Variants in IL18 observed in about 807,000 individuals in gnomAD.
IL18 encodes interleukin-18.
In IL18, 8 loss-of-function variants were observed where a neutral mutation model predicts 14.2. The ratio of observed to expected loss-of-function variants is 0.56; its 90% CI spans 0.33 to 1.01. The LOEUF is 1.01. Ranked by LOEUF, IL18 falls within the 50% of genes least tolerant of loss-of-function variation. The pLI, the probability that IL18 is intolerant of heterozygous loss-of-function variation, is 0.03. For synonymous variants in IL18, 67 were observed against 71.0 expected (o/e 0.94, Z 0.28); for missense variants, 166 against 231.1 (o/e 0.72, Z 1.83).
chr11:112,148,147 A>G (rs1866373756), intron 5 of IL18, among the ~76,000 whole-genome samples: 1 of 152,236 alleles, frequency 6.6e-6, no homozygotes, highest in Non-Finnish European at 1.5e-5. Flanking sequence ...AGGATCAGCA[A>G]CAAAACAACT....
chr11:112,145,520 A>C (rs546687576), intron 5 of IL18, among the ~76,000 whole-genome samples: 62 of 152,284 alleles, frequency 4.1e-4, no homozygotes, highest in Non-Finnish European at 7.1e-4. Flanking sequence ...CGGGCGGATC[A>C]CAAGTTCAGG....
intron 5 of IL18, among the ~76,000 whole-genome samples, chr11:112,147,972 A>G (rs2135310555): frequency 6.6e-6 from 1 of 152,332 alleles, no homozygotes; most frequent in Non-Finnish European, 1.5e-5. Flanking sequence ...ATAATAATGG[A>G]GAATAATAGA....
intron 1 of IL18, among the ~76,000 whole-genome samples, chr11:112,155,855 A>G (rs1866522301): frequency 6.6e-6 from 1 of 152,114 alleles, no homozygotes; most frequent in Non-Finnish European, 1.5e-5. Flanking sequence ...ATACACATGT[A>G]TTTTCACCAA....
Position 112,161,548 on chromosome 11 carries a change from CAGCACTTTGGG to C in IL18, c.-9+2347_-9+2357del, listed in dbSNP as rs1866632671. Among the ~76,000 whole-genome samples, 5 of 152,296 alleles carry C rather than the reference CAGCACTTTGGG, an allele frequency of 3.3e-5. No individual in the cohort carries two copies. The South Asian group carries it at 1.0e-3, about 32-fold the overall frequency. ...GCACGGTGGCTTATGCCTGTAATAC[CAGCACTTTGGG>C]AGGCCGAGGCGGCTGGATCACTTGA... is the stretch of plus-strand genomic sequence containing the variant. On this transcript the variant is annotated intron_variant, in intron 1 of 5. Transcript: ENST00000280357.
chr11:112,150,050 G>A (rs757465998), intron 4 of IL18, 22 bp downstream of exon 4: 1 of 1,585,478 alleles, frequency 6.3e-7, no homozygotes, highest in South Asian at 1.2e-5. Context: ...TCATTTCTAT[G>A]TTTGCGAATT....
chr11:112,162,443 A>G (rs1282917572), intron 1 of IL18, among the ~76,000 whole-genome samples: 3 of 151,534 alleles, frequency 2.0e-5, no homozygotes, highest in African/African-American at 7.3e-5. Flanking sequence ...TCCTGGGCTC[A>G]AGTGATCCTC....
intron 1 of IL18, among the ~76,000 whole-genome samples, chr11:112,156,577 G>C (rs1866536181): frequency 6.6e-6 from 1 of 151,818 alleles, no homozygotes; most frequent in Admixed American, 6.6e-5. Flanking sequence ...ACTCCCATCT[G>C]GGACCACAGA....
At chr11:112,154,670 C>T (rs1352632653) in intron 2 of IL18, among the ~76,000 whole-genome samples, 2 of 152,152 alleles carry the variant, frequency 1.3e-5, no homozygotes, top group Admixed American at 1.3e-4. Flanking sequence ...GGGATTTTTC[C>T]CATGGAAATC....
At chr11:112,146,224 C>A (rs753192587) in intron 5 of IL18, among the ~76,000 whole-genome samples, 4 of 151,974 alleles carry the variant, frequency 2.6e-5, no homozygotes, top group Non-Finnish European at 4.4e-5. Context: ...CAAAGCAAAT[C>A]CCTCTTAGTG....
At chr11:112,163,278 A>G (rs911284195) in intron 1 of IL18, among the ~76,000 whole-genome samples, 5 of 152,192 alleles carry the variant, frequency 3.3e-5, no homozygotes, top group African/African-American at 1.2e-4. Flanking sequence ...ACCATGGGCA[A>G]ATTTTTTGTT....
rs545832840 is a variant in IL18, at chr11:112,152,896, C to T, written c.91+696G>A. ...GATGTCTTTGTTACAACAAACTAATCTTTACCCTAGCTAATACATATTGTG... is the reference window on the plus strand; with the variant it reads ...GATGTCTTTGTTACAACAAACTAATTTTTACCCTAGCTAATACATATTGTG... On this transcript the variant is annotated intron_variant, in intron 3 of 5. Coordinates refer to ENST00000280357, the MANE Select transcript of IL18 (RefSeq NM_001562.4). 2.6e-5 allele frequency: 4 copies of T among 152,346 alleles called. No homozygotes were observed. In the South Asian group the frequency reaches 8.3e-4, roughly 32 times the overall value. 9.4% of individuals were successfully genotyped at this position (152,346 alleles called of 1,614,324 possible).
chr11:112,153,582 T>G lies in IL18; in HGVS notation c.91+10A>C, dbSNP rs1866483948. 1 of 1,548,726 alleles carries G rather than the reference T, an allele frequency of 6.5e-7. No individual in the cohort carries two copies. The highest frequency in any genetic ancestry group is 8.8e-7 in the Non-Finnish European group (1 of 1,133,698). On this transcript the variant is annotated intron_variant, in intron 3 of 5. Coordinates refer to ENST00000280357, the MANE Select transcript of IL18 (RefSeq NM_001562.4). ...GTTTGCAAAGAAAAATAAATTCATT[T>G]CTACTTTACCATCATCTTCAGCTAA...
chr11:112,162,672 T>A (rs766349606), intron 1 of IL18, among the ~76,000 whole-genome samples: 3 of 152,196 alleles, frequency 2.0e-5, no homozygotes. Flanking sequence ...AGTGGAACAG[T>A]CCTGCTATTT....
At chr11:112,155,556 G>T (rs757493978) in intron 1 of IL18, among the ~76,000 whole-genome samples, 5 of 152,126 alleles carry the variant, frequency 3.3e-5, no homozygotes, top group Admixed American at 6.5e-5. Context: ...GAGGGTACAG[G>T]CAGGGTGGGA....
At position 112,143,372 on chromosome 11, in the gene IL18, C is replaced by T. The variant is rs1333807458; in HGVS notation, c.*224G>A. On this transcript the variant is annotated 3_prime_UTR_variant, in exon 6 of 6. Coordinates refer to ENST00000280357, the MANE Select transcript of IL18 (RefSeq NM_001562.4). ...CTCGGCTCACCACAACCTCTACCTC[C>T]GGAGTGCAAGTGATTCTCCTGCCTC... The T allele has an allele frequency of 2.8e-5, 11 of 388,870 alleles. 1 individual carries two copies. The highest frequency in any genetic ancestry group is 2.0e-4 in the South Asian group (5 of 25,622). 24.1% of individuals were successfully genotyped at this position (388,870 alleles called of 1,614,324 possible). A position where few individuals can be genotyped will look rare whatever the true frequency, so the allele number is the denominator to read the frequency against.
chr11:112,148,030 A>G (rs1866372110), intron 5 of IL18, among the ~76,000 whole-genome samples: 1 of 152,258 alleles, frequency 6.6e-6, no homozygotes, highest in African/African-American at 2.4e-5. Flanking sequence ...GAAGATAATT[A>G]TAGCATTACT....
At chr11:112,144,433 G>A (rs368508137) in intron 5 of IL18, among the ~76,000 whole-genome samples, 6 of 152,272 alleles carry the variant, frequency 3.9e-5, no homozygotes, top group South Asian at 2.1e-4. Context: ...GAAGGGGTCA[G>A]GGGGTATCTC....
intron 2 of IL18, among the ~76,000 whole-genome samples, chr11:112,154,260 C>T (rs1395631532): frequency 6.6e-6 from 1 of 152,108 alleles, no homozygotes; most frequent in Non-Finnish European, 1.5e-5. Context: ...TGTGGTGGTT[C>T]ATGCCTGTAA....
chr11:112,160,046 C>T (rs903300117), intron 1 of IL18, among the ~76,000 whole-genome samples: 1 of 152,116 alleles, frequency 6.6e-6, no homozygotes, highest in South Asian at 2.1e-4. Context: ...TAGTTACCTG[C>T]CCCAAACTGA....
Sources: gnomAD v4.1 joint callset for allele counts (sites outside exome capture counted in the v4.1 genomes callset) on GRCh38, gnomAD v4.1.1 for gene constraint, MANE v1.5 for transcripts, NCBI Gene and HGNC (gene_info 2026-07-23, HGNC 2026-07-21) for gene names.